The following DPF3 variants were observed in gnomAD, a reference collection of about 807,000 sequenced individuals.
DPF3 encodes the protein double PHD fingers 3, also known as zinc finger protein DPF3.
In DPF3, 18 loss-of-function variants were observed where a neutral mutation model predicts 56.8. That is an observed-to-expected ratio of 0.32 (90% CI 0.22 to 0.47). The LOEUF is 0.47. Ranked by LOEUF, DPF3 falls within the 20% of genes least tolerant of loss-of-function variation. The probability of loss-of-function intolerance (pLI) is 1.00; values close to 1 mark genes in which losing one functional copy is unlikely to be tolerated. For synonymous variants in DPF3, 188 were observed against 180.2 expected, an observed-to-expected ratio of 1.04 and a Z score of -0.35; for missense variants, 403 against 488.8, an observed-to-expected ratio of 0.82 and a Z score of 1.65.
chr14:72,806,462 G>A (rs370298391), intron 1 of DPF3, among the ~76,000 whole-genome samples: 16 of 152,200 alleles, frequency 1.1e-4, no homozygotes, highest in Admixed American at 2.6e-4. Context: ...TCCACACTCC[G>A]CTCTTATGGC....
intron 8 of DPF3, among the ~76,000 whole-genome samples, chr14:72,646,717 T>G (rs1027893777): frequency 1.2e-4 from 18 of 152,238 alleles, no homozygotes; most frequent in African/African-American, 3.4e-4. Flanking sequence ...AATTTTTCCT[T>G]TGGAGAACAA....
At chr14:72,683,908 T>A (rs1393513379) in intron 7 of DPF3, among the ~76,000 whole-genome samples, 1 of 152,158 alleles carries the variant, frequency 6.6e-6, no homozygotes, top group African/African-American at 2.4e-5. Flanking sequence ...CTGGACAAGC[T>A]GTCACCAAGC....
intron 1 of DPF3, among the ~76,000 whole-genome samples, chr14:72,893,590 C>A (rs61988507): frequency 0.096 from 14,521 of 151,956 alleles, 754 homozygotes; most frequent in East Asian, 0.15. Flanking sequence ...GCGGACCCAG[C>A]GGCGGGGCGG....
intron 5 of DPF3, among the ~76,000 whole-genome samples, chr14:72,721,899 A>T (rs1406680433): frequency 6.6e-6 from 1 of 152,098 alleles, no homozygotes; most frequent in East Asian, 1.9e-4. Flanking sequence ...AAACAACCCA[A>T]ATTCTTCAAC....
chr14:72,769,572 C>T (rs1434734310), intron 2 of DPF3, among the ~76,000 whole-genome samples: 7 of 150,610 alleles, frequency 4.6e-5, no homozygotes, highest in Admixed American at 3.3e-4. Flanking sequence ...CCCAGCTACT[C>T]GGGAGGCTGA....
intron 5 of DPF3, among the ~76,000 whole-genome samples, chr14:72,715,949 C>A (rs1888904893): frequency 6.6e-6 from 1 of 151,156 alleles, no homozygotes; most frequent in Admixed American, 6.6e-5. Flanking sequence ...TCACCCCGGG[C>A]ACTGACAGGC....
Position 72,613,047 on chromosome 14 carries a change from C to CGCACGCGCAT in DPF3, c.*6240_*6249dup. 6.6e-6 allele frequency among the ~76,000 whole-genome samples: 1 copy of CGCACGCGCAT among 150,826 alleles called. No homozygotes were observed. Among genetic ancestry groups the CGCACGCGCAT allele is most frequent in the South Asian group, 2.1e-4 (1 of 4,736 alleles). ...GTGTGTGTGTATGTGCGTGCGTGCA[C>CGCACGCGCAT]GCACGCGCATGCACATGGGCATTCC... On this transcript the variant is annotated 3_prime_UTR_variant, in exon 11 of 11. Coordinates refer to ENST00000556509, the MANE Select transcript of DPF3 (RefSeq NM_001280542.3).
chr14:72,650,674 T>C (rs1186990400), intron 8 of DPF3, among the ~76,000 whole-genome samples: 3 of 152,180 alleles, frequency 2.0e-5, no homozygotes, highest in African/African-American at 4.8e-5. Context: ...TCCACACAGA[T>C]GCCCCCTCTA....
intron 4 of DPF3, among the ~76,000 whole-genome samples, chr14:72,724,597 G>C (rs1370435563): frequency 6.6e-6 from 1 of 152,222 alleles, no homozygotes; most frequent in East Asian, 1.9e-4. Context: ...GGGCTTAAGG[G>C]AGGGATAAAA....
chr14:72,727,187 T>C (rs1238453980), intron 4 of DPF3, among the ~76,000 whole-genome samples: 3 of 152,136 alleles, frequency 2.0e-5, no homozygotes, highest in Admixed American at 1.3e-4. Context: ...CTCTGACCTG[T>C]CTTGGGGCCA....
chr14:72,728,034 A>G (rs960799831), intron 4 of DPF3, among the ~76,000 whole-genome samples: 3 of 152,114 alleles, frequency 2.0e-5, no homozygotes, highest in Admixed American at 2.0e-4. Context: ...GTGCTGCATG[A>G]GAAGAACTCA....
intron 8 of DPF3, chr14:72,669,872 A>G (rs986390597): frequency 1.0e-6 from 1 of 985,110 alleles, no homozygotes; most frequent in Non-Finnish European, 1.2e-6. Flanking sequence ...AGCTGGGGGA[A>G]AAAGGAAAAA....
At chr14:72,836,500 G>T (rs893331830) in intron 1 of DPF3, 8 of 985,330 alleles carry the variant, frequency 8.1e-6, no homozygotes, top group African/African-American at 5.2e-5. Context: ...TCTTCCCTTG[G>T]GGTTCTGACC....
chr14:72,764,484 GTTTTTTTTTTTTTTTT>G (rs57886183), intron 2 of DPF3, among the ~76,000 whole-genome samples: 5 of 52,792 alleles, frequency 9.5e-5, no homozygotes, highest in African/African-American at 3.9e-4. Flanking sequence ...TTCCTGAGTT[GTTTTTTTTTTTTTTTT>G]TTTTTTTTTT....
chr14:72,725,722 C>T (rs1889379602), intron 4 of DPF3, among the ~76,000 whole-genome samples: 1 of 152,026 alleles, frequency 6.6e-6, no homozygotes, highest in Non-Finnish European at 1.5e-5. Flanking sequence ...CTGTTTAAGC[C>T]GCCTCCTGGA....
intron 1 of DPF3, among the ~76,000 whole-genome samples, chr14:72,812,437 G>C (rs1176342834): frequency 6.6e-6 from 1 of 152,182 alleles, no homozygotes; most frequent in Non-Finnish European, 1.5e-5. Context: ...CCAGGAGGCA[G>C]GGTTGGTATT....
chr14:72,652,677 CA>C (rs1885948540), intron 8 of DPF3, among the ~76,000 whole-genome samples: 1 of 152,142 alleles, frequency 6.6e-6, no homozygotes, highest in Non-Finnish European at 1.5e-5. Flanking sequence ...CAGAGCACAC[CA>C]TGAAATTTCA....
chr14:72,850,089 T>A (rs10144501), intron 1 of DPF3, among the ~76,000 whole-genome samples: 148,259 of 152,218 alleles, frequency 0.97, 72,246 homozygotes, highest in East Asian at 1. Flanking sequence ...ACTGCACTCC[T>A]GCCTAGGCGA....
chr14:72,690,435 C>T (rs1463744392), intron 7 of DPF3, among the ~76,000 whole-genome samples: 1 of 152,112 alleles, frequency 6.6e-6, no homozygotes, highest in East Asian at 1.9e-4. Flanking sequence ...TGGACGGACA[C>T]ATATGCACAT....
Sources: gnomAD v4.1 joint callset for allele counts (sites outside exome capture counted in the v4.1 genomes callset) on GRCh38, gnomAD v4.1.1 for gene constraint, MANE v1.5 for transcripts, NCBI Gene and HGNC (gene_info 2026-07-23, HGNC 2026-07-21) for gene names.